Variants in NLGN4X observed in about 807,000 individuals in gnomAD.
NLGN4X encodes neuroligin 4 X-linked.
In NLGN4X, 3 loss-of-function variants were observed where a neutral mutation model predicts 40.3. The observed-to-expected ratio is 0.07, with a 90% confidence interval of 0.03 to 0.19. The LOEUF (loss-of-function observed/expected upper bound fraction) is 0.19. Among genes scored for constraint, NLGN4X ranks in the 10% least tolerant of loss-of-function variants. The pLI, the probability that NLGN4X is intolerant of heterozygous loss-of-function variation, is 1.00. For missense variants in NLGN4X, 382 were observed against 708.3 expected, an observed-to-expected ratio of 0.54 and a Z score of 5.23; for synonymous variants, 270 against 306.8, an observed-to-expected ratio of 0.88 and a Z score of 1.25.
At chrX:6,183,108 G>A (rs1454299637) in intron 1 of NLGN4X, among the ~76,000 whole-genome samples, 1 of 111,967 alleles carries the variant, frequency 8.9e-6, no homozygotes, top group Admixed American at 9.4e-5. Flanking sequence ...GAAATCAATT[G>A]AAACGATTCT....
At chrX:6,206,637 G>A (rs1351178454) in intron 1 of NLGN4X, among the ~76,000 whole-genome samples, 1 of 111,345 alleles carries the variant, frequency 9.0e-6, no homozygotes, top group Non-Finnish European at 1.9e-5. Flanking sequence ...TCTAAATTCA[G>A]GGAGTTGCCA....
At position 6,119,844 on chromosome X, in the gene NLGN4X, A is replaced by G. The variant is rs147494532; in HGVS notation, c.472+31151T>C. Among the ~76,000 whole-genome samples the G allele has an allele frequency of 4.5e-3, 501 of 111,661 alleles. 5 individuals carry two copies. Among genetic ancestry groups the G allele is most frequent in the African/African-American group, 0.016 (481 of 30,758 alleles). On this transcript the variant is annotated intron_variant, in intron 2 of 5. Coordinates refer to ENST00000381095, the MANE Select transcript of NLGN4X (RefSeq NM_181332.3). Reference sequence around the variant, plus strand: ...TCAGTCATGAAGACGTGATCTTTGTATTATGGAATTAAGGTACCATTATAT... The same window carrying G: ...TCAGTCATGAAGACGTGATCTTTGTGTTATGGAATTAAGGTACCATTATAT...
At chrX:6,141,558 T>G (rs1305171907) in intron 2 of NLGN4X, among the ~76,000 whole-genome samples, 1 of 111,898 alleles carries the variant, frequency 8.9e-6, no homozygotes, top group Non-Finnish European at 1.9e-5. Flanking sequence ...GCACGGTGGC[T>G]CACACCTGTA....
chrX:5,930,301 A>G (rs918637065), intron 3 of NLGN4X, among the ~76,000 whole-genome samples: 7 of 112,254 alleles, frequency 6.2e-5, no homozygotes, highest in East Asian at 2.8e-4. Context: ...ATAACACACA[A>G]TCTTAATGAC....
At chrX:5,964,318 T>C (rs1390873758) in intron 3 of NLGN4X, among the ~76,000 whole-genome samples, 1 of 111,717 alleles carries the variant, frequency 9.0e-6, no homozygotes, top group Non-Finnish European at 1.9e-5. Context: ...GAGACAAAAA[T>C]AATAGTAAAT....
chrX:6,102,176 T>C (rs775114435), intron 2 of NLGN4X, among the ~76,000 whole-genome samples: 2 of 111,918 alleles, frequency 1.8e-5, no homozygotes, highest in Non-Finnish European at 3.8e-5. Context: ...AGATAAATGC[T>C]TGAGGAGATG....
At chrX:6,150,816 T>C (rs1003274635) in intron 2 of NLGN4X, among the ~76,000 whole-genome samples, 179 bp downstream of exon 2, 3 of 112,340 alleles carry the variant, frequency 2.7e-5, no homozygotes, top group Non-Finnish European at 5.6e-5. Flanking sequence ...GCCCAATACA[T>C]ACAAGTGGAA....
chrX:6,008,020 G>A (rs1281092468), intron 3 of NLGN4X, among the ~76,000 whole-genome samples: 1 of 111,680 alleles, frequency 9.0e-6, no homozygotes, highest in East Asian at 2.8e-4. Flanking sequence ...GCTCCTTTCA[G>A]GACCTTTCTA....
chrX:6,118,087 A>G (rs1050132781), intron 2 of NLGN4X, among the ~76,000 whole-genome samples: 1 of 109,749 alleles, frequency 9.1e-6, no homozygotes, highest in Admixed American at 9.7e-5. Context: ...TCTCTTTCTC[A>G]TACAAGTGCA....
chrX:5,946,223 C>A (rs1401431609), intron 3 of NLGN4X, among the ~76,000 whole-genome samples: 1 of 111,317 alleles, frequency 9.0e-6, no homozygotes. Context: ...GCTGTGGCAA[C>A]CAAAATTTTT....
chrX:5,920,055 T>C (rs2032970571), intron 3 of NLGN4X, among the ~76,000 whole-genome samples: 1 of 111,701 alleles, frequency 9.0e-6, no homozygotes, highest in African/African-American at 3.3e-5. Flanking sequence ...AAATATTTGC[T>C]CCTATGTTTT....
At chrX:6,016,430 C>CGTA (rs2036397051) in intron 3 of NLGN4X, among the ~76,000 whole-genome samples, 1 of 111,500 alleles carries the variant, frequency 9.0e-6, no homozygotes, top group African/African-American at 3.3e-5. Flanking sequence ...TCACTTTACA[C>CGTA]CCATTAGGAT....
chrX:6,096,367 A>C (rs2038776952), intron 2 of NLGN4X, among the ~76,000 whole-genome samples: 2 of 111,909 alleles, frequency 1.8e-5, no homozygotes, highest in South Asian at 7.5e-4. Flanking sequence ...TAGAAACAAC[A>C]AGCTTGTTAT....
At chrX:5,940,697 T>G (rs899920852) in intron 3 of NLGN4X, among the ~76,000 whole-genome samples, 6 of 110,387 alleles carry the variant, frequency 5.4e-5, no homozygotes, top group Non-Finnish European at 1.1e-4. Context: ...TTATAACCTA[T>G]CATGGTAGCA....
intron 3 of NLGN4X, among the ~76,000 whole-genome samples, chrX:5,970,510 A>G (rs1168530375): frequency 9.0e-6 from 1 of 111,716 alleles, no homozygotes. Context: ...CTCTGAAGCA[A>G]TTTTTAAAAT....
In NLGN4X at chrX:6,208,458, T is replaced by C. The variant is rs148152741; in HGVS notation, c.-306+20083A>G. Among the ~76,000 whole-genome samples the C allele has an allele frequency of 8.8e-3, 986 of 112,385 alleles. 10 individuals carry two copies. The highest frequency in any genetic ancestry group is 0.031 in the African/African-American group (948 of 31,000). ...CCGATTCTCATTACAATTGATAGAATTCATAAAGTCTATTCTGGTTATGAA... is the reference window on the plus strand; with the variant it reads ...CCGATTCTCATTACAATTGATAGAACTCATAAAGTCTATTCTGGTTATGAA... On this transcript the variant is annotated intron_variant, in intron 1 of 5. Transcript: ENST00000381095.
At position 5,900,617 on chromosome X, in the gene NLGN4X, A is replaced by G. The variant is rs764557456; in HGVS notation, c.1601+2460T>C. 6.1e-5 allele frequency among the ~76,000 whole-genome samples: 5 copies of G among 82,418 alleles called. No homozygotes were observed. The South Asian group carries it at 2.3e-3, about 37-fold the overall frequency. The allele number at this position is 82,418 out of a possible 115,157, so 71.6% of individuals were successfully genotyped here. A position where few individuals can be genotyped will look rare whatever the true frequency, so the allele number is the denominator to read the frequency against. ...AGATAAAGGTTTCGGTCTGTCACCCAGGTTGGAGTGCAGTGGTGCAAACAT... is the reference window on the plus strand; with the variant it reads ...AGATAAAGGTTTCGGTCTGTCACCCGGGTTGGAGTGCAGTGGTGCAAACAT... On this transcript the variant is annotated intron_variant, in intron 5 of 5. Coordinates refer to ENST00000381095, the MANE Select transcript of NLGN4X (RefSeq NM_181332.3).
At chrX:6,103,671 G>C (rs779658860) in intron 2 of NLGN4X, among the ~76,000 whole-genome samples, 27 of 111,852 alleles carry the variant, frequency 2.4e-4, no homozygotes, top group African/African-American at 8.4e-4. Context: ...TTTCCTGCTG[G>C]GTAGAGTTAC....
At chrX:6,080,430 C>T (rs978106970) in intron 2 of NLGN4X, among the ~76,000 whole-genome samples, 1 of 111,721 alleles carries the variant, frequency 9.0e-6, no homozygotes, top group Non-Finnish European at 1.9e-5. Flanking sequence ...TTCTCGCCTA[C>T]TCATAAAGGT....
Sources: gnomAD v4.1 joint callset for allele counts (sites outside exome capture counted in the v4.1 genomes callset) on GRCh38, gnomAD v4.1.1 for gene constraint, MANE v1.5 for transcripts, NCBI Gene and HGNC (gene_info 2026-07-23, HGNC 2026-07-21) for gene names.